Variants in DSG1 observed in about 807,000 individuals in gnomAD.
DSG1 encodes desmoglein 1.
In DSG1, 39 loss-of-function variants were observed where a neutral mutation model predicts 97.5. The ratio of observed to expected loss-of-function variants is 0.40; its 90% CI spans 0.31 to 0.52. The LOEUF is 0.52. Ranked by LOEUF, DSG1 falls within the 20% of genes least tolerant of loss-of-function variation. The pLI, the probability that DSG1 is intolerant of heterozygous loss-of-function variation, is 0.53. For synonymous variants in DSG1, 475 were observed against 443.4 expected (o/e 1.07, Z -0.90); for missense variants, 1,311 against 1,295.4 (o/e 1.01, Z -0.18).
chr18:31,328,668 C>A (rs1177696941), intron 4 of DSG1, among the ~76,000 whole-genome samples: 1 of 151,924 alleles, frequency 6.6e-6, no homozygotes, highest in Non-Finnish European at 1.5e-5. Flanking sequence ...TATTTTAAGT[C>A]TAATGTCAAG....
intron 5 of DSG1, among the ~76,000 whole-genome samples, chr18:31,331,313 A>G (rs932099221): frequency 2.6e-4 from 39 of 152,130 alleles, no homozygotes; most frequent in Non-Finnish European, 1.5e-4. Flanking sequence ...TATAGATATA[A>G]AAATTGAGGC....
intron 9 of DSG1, 123 bp from the exon 10 acceptor site, chr18:31,338,192 C>G: frequency 2.0e-6 from 2 of 1,021,920 alleles, no homozygotes; most frequent in South Asian, 1.5e-5. Flanking sequence ...AATAAAGTCT[C>G]TAGTAATTGA....
At chr18:31,336,071 A>G (rs908286867) in intron 8 of DSG1, among the ~76,000 whole-genome samples, 1 of 152,026 alleles carries the variant, frequency 6.6e-6, no homozygotes, top group Non-Finnish European at 1.5e-5. Context: ...GACTATCTGT[A>G]TTATTCTAAG....
At chr18:31,330,540 A>G (rs1218753136) in intron 5 of DSG1, among the ~76,000 whole-genome samples, 1 of 152,138 alleles carries the variant, frequency 6.6e-6, no homozygotes, top group East Asian at 1.9e-4. Context: ...TCATTAAAAT[A>G]CTGTACCTAT....
At position 31,336,383 on chromosome 18, in the gene DSG1, G is replaced by A. The variant is rs2144098702; in HGVS notation, c.1035G>A (p.Leu345=). 6.2e-7 allele frequency: 1 copy of A among 1,613,706 alleles called. No homozygotes were observed. The highest frequency in any genetic ancestry group is 1.1e-5 in the South Asian group (1 of 91,054). Residue 345 remains leucine, a synonymous_variant, in exon 9 of 15, where the codon CTG becomes CTA. Transcript: ENST00000257192. ...TAGATTATGAAGCTATGCAGAGTCT[G>A]CAACTCAGTATTGGTGTCAGAAATA... The part of the protein sequence containing the change: ...KPLDYEAMQS[L]QLSIGVRNKA...
At chr18:31,335,511 A>G (rs2071746410) in intron 8 of DSG1, among the ~76,000 whole-genome samples, 1 of 151,832 alleles carries the variant, frequency 6.6e-6, no homozygotes. Context: ...TGTTATAGCT[A>G]TATACATATA....
chr18:31,319,506 G>T (rs541219757), intron 1 of DSG1, among the ~76,000 whole-genome samples: 1 of 152,224 alleles, frequency 6.6e-6, no homozygotes, highest in Non-Finnish European at 1.5e-5. Context: ...TCAAACATTA[G>T]TCCTATCCCA....
At chr18:31,350,985 C>T (rs367685316) in intron 14 of DSG1, among the ~76,000 whole-genome samples, 7 of 149,890 alleles carry the variant, frequency 4.7e-5, no homozygotes, top group Admixed American at 3.3e-4. Flanking sequence ...CTGCTCTGAT[C>T]TTAGTTATTT....
Position 31,355,566 on chromosome 18 carries a change from A to G in DSG1, c.*220A>G. The G allele has an allele frequency of 1.7e-6, 1 of 572,058 alleles. No homozygotes were observed. The highest frequency in any genetic ancestry group is 3.0e-5 in the Admixed American group (1 of 33,376). The allele number at this position is 572,058 out of a possible 1,614,324, so 35.4% of individuals were successfully genotyped here. ...TCTCTTATATTAGGACTAAGGAACTAAAACTTGAGGCAGAGTCTTCTTTGT... is the reference window on the plus strand; with the variant it reads ...TCTCTTATATTAGGACTAAGGAACTGAAACTTGAGGCAGAGTCTTCTTTGT... On this transcript the variant is annotated 3_prime_UTR_variant, in exon 15 of 15. Coordinates refer to ENST00000257192, the MANE Select transcript of DSG1 (RefSeq NM_001942.4).
intron 9 of DSG1, among the ~76,000 whole-genome samples, chr18:31,336,862 G>A (rs531850539): frequency 2.8e-4 from 42 of 152,194 alleles, no homozygotes; most frequent in Non-Finnish European, 5.6e-4. Context: ...CAAAAGTATC[G>A]ACACTCCTGT....
intron 1 of DSG1, among the ~76,000 whole-genome samples, chr18:31,321,434 C>T (rs2071653226): frequency 6.6e-6 from 1 of 152,084 alleles, no homozygotes; most frequent in East Asian, 1.9e-4. Flanking sequence ...ATCAGTGTTT[C>T]AGTAAAATAT....
rs765847367 is a variant in DSG1, at chr18:31,354,481, G to A, written c.2285G>A (p.Ser762Asn). ...GPKFKKLADI[S>N]LGKESYPDLD... ...AAATTTAAGAAGTTGGCAGACATCA[G>A]CCTAGGAAAAGAATCATATCCAGAC... Residue 762 changes from serine to asparagine, a missense_variant, in exon 15 of 15, where the codon AGC becomes AAC. Ser to Asn is a conservative substitution (Grantham distance 46). Transcript: ENST00000257192. 2 of 1,614,034 alleles carry A rather than the reference G, an allele frequency of 1.2e-6. No homozygotes were observed. The highest frequency in any genetic ancestry group is 8.5e-7 in the Non-Finnish European group (1 of 1,180,036).
intron 14 of DSG1, chr18:31,347,907 G>A (rs1226828657): frequency 6.6e-6 from 1 of 151,966 alleles, no homozygotes; most frequent in Non-Finnish European, 1.5e-5. Flanking sequence ...ACATTTTTAT[G>A]TCCTTCAAGC....
At position 31,326,115 on chromosome 18, in the gene DSG1, G is replaced by A. The variant is rs560811262; in HGVS notation, c.49-466G>A. 2.0e-5 allele frequency among the ~76,000 whole-genome samples: 3 copies of A among 151,524 alleles called. No individual in the cohort carries two copies. In the East Asian group the frequency reaches 5.8e-4, roughly 29 times the overall value. On this transcript the variant is annotated intron_variant, in intron 1 of 14. Coordinates refer to ENST00000257192, the MANE Select transcript of DSG1 (RefSeq NM_001942.4). Reference sequence around the variant, plus strand: ...ACTTATTTTCTGAATTATCTATTGTGGCAATTTTTTTAAAGTAGATACTTA... The same window carrying A: ...ACTTATTTTCTGAATTATCTATTGTAGCAATTTTTTTAAAGTAGATACTTA...
intron 5 of DSG1, 39 bp downstream of exon 5, chr18:31,330,075 C>A (rs943681941): frequency 1.2e-6 from 2 of 1,609,948 alleles, no homozygotes; most frequent in Non-Finnish European, 1.7e-6. Context: ...TCCTAACAGC[C>A]AGGCACCTAA....
rs2071966876 is a variant in DSG1, at chr18:31,357,221, C to T, written c.*1875C>T. On this transcript the variant is annotated 3_prime_UTR_variant, in exon 15 of 15. Transcript: ENST00000257192. Reference sequence around the variant, plus strand: ...TTTTAAAAGCCACAGTATACATCTTCTTTTAACTCTGTAGAATATGTAAAA... The same window carrying T: ...TTTTAAAAGCCACAGTATACATCTTTTTTTAACTCTGTAGAATATGTAAAA... Among the ~76,000 whole-genome samples, 1 of 152,050 alleles carries T rather than the reference C, an allele frequency of 6.6e-6. No individual in the cohort carries two copies. The highest frequency in any genetic ancestry group is 2.4e-5 in the African/African-American group (1 of 41,436).
intron 1 of DSG1, among the ~76,000 whole-genome samples, chr18:31,318,651 G>A (rs886592528): frequency 6.6e-6 from 1 of 151,760 alleles, no homozygotes; most frequent in Non-Finnish European, 1.5e-5. Flanking sequence ...GTAGCACTTT[G>A]TCGTTCAAAA....
chr18:31,336,493 G>T lies in DSG1; in HGVS notation c.1145G>T (p.Gly382Val). Reference sequence around the variant, plus strand: ...GTGACTGTGTTAAATGTAATTGAAGGCCCAGTGTTTCGTCCAGGTTCAAAG... The same window carrying T: ...GTGACTGTGTTAAATGTAATTGAAGTCCCAGTGTTTCGTCCAGGTTCAAAG... Reference protein sequence around the residue: ...ISVTVLNVIEGPVFRPGSKTY... With the variant: ...ISVTVLNVIEVPVFRPGSKTY... The change falls in exon 9 of 15, where the codon GGC (glycine) becomes GTC (valine). Residue 382 changes from glycine (G) to valine (V), a missense_variant. Around this residue, in one of 3 missense-constraint regions of DSG1, gnomAD observed 1,038 missense variants for 964.6 expected, o/e 1.08. Coordinates refer to ENST00000257192, the MANE Select transcript of DSG1 (RefSeq NM_001942.4). 2 of 1,613,994 alleles carry T rather than the reference G, an allele frequency of 1.2e-6. No homozygotes were observed. The highest frequency in any genetic ancestry group is 8.5e-7 in the Non-Finnish European group (1 of 1,179,928).
chr18:31,349,373 A>G (rs1263834379), intron 14 of DSG1, among the ~76,000 whole-genome samples: 71 of 149,496 alleles, frequency 4.7e-4, no homozygotes, highest in African/African-American at 1.7e-3. Flanking sequence ...CTGTAGCCTT[A>G]TAGTATAGTT....
Sources: allele counts gnomAD v4.1 joint callset (sites outside exome capture counted in the v4.1 genomes callset), GRCh38; gene constraint gnomAD v4.1.1; regional missense constraint gnomAD v4.1.1; transcripts MANE v1.5; gene names NCBI Gene and HGNC (gene_info 2026-07-23, HGNC 2026-07-21).